Variants in EPG5 observed in about 807,000 individuals in gnomAD.
EPG5 encodes the protein ectopic P-granules 5 autophagy tethering factor.
EPG5 carries 159 observed loss-of-function variants against 302.7 expected under a neutral mutation model. The ratio of observed to expected loss-of-function variants is 0.53; its 90% confidence interval spans 0.46 to 0.60. EPG5 has a LOEUF of 0.60. EPG5 is among the 20% of genes least tolerant of loss of function. EPG5 has a pLI of 0.00. For synonymous variants in EPG5, 1,158 were observed against 1,136.8 expected, an observed-to-expected ratio of 1.02 and a Z score of -0.37; for missense variants, 2,896 against 3,092.4, an observed-to-expected ratio of 0.94 and a Z score of 1.51.
chr18:45,903,340 C>T (rs1474226750), intron 25 of EPG5, among the ~76,000 whole-genome samples: 1 of 152,056 alleles, frequency 6.6e-6, no homozygotes, highest in Non-Finnish European at 1.5e-5. Context: ...CCAGCCAGCA[C>T]CATTTTACAG....
intron 1 of EPG5, among the ~76,000 whole-genome samples, chr18:45,960,716 G>C (rs2051130578): frequency 6.6e-6 from 1 of 152,118 alleles, no homozygotes; most frequent in African/African-American, 2.4e-5. Flanking sequence ...TCCAGGAGAT[G>C]GAATTCTGGG....
In EPG5 at chr18:45,878,303, T is replaced by G. The variant is rs565869343; in HGVS notation, c.5942+73A>C. 4.5e-5 allele frequency: 46 copies of G among 1,020,386 alleles called. No individual in the cohort carries two copies. In the South Asian group the frequency reaches 5.7e-4, roughly 13 times the overall value. 63.2% of individuals were successfully genotyped at this position (1,020,386 alleles called of 1,614,324 possible). ...AAAATTAAATCTGTGAACTCATCAC[T>G]TCTACCAAATACCATTTAGAATTTT... On this transcript the variant is annotated intron_variant, in intron 34 of 43. Transcript: ENST00000282041.
At chr18:45,943,379 T>C in intron 8 of EPG5, 68 bp from the exon 9 acceptor site, 1 of 1,383,204 alleles carries the variant, frequency 7.2e-7, no homozygotes, top group South Asian at 1.2e-5. Context: ...GATACATCTG[T>C]ATAAATATTT....
intron 6 of EPG5, 76 bp downstream of exon 6, chr18:45,948,427 A>T: frequency 8.9e-7 from 1 of 1,122,510 alleles, no homozygotes; most frequent in Non-Finnish European, 1.4e-6. Context: ...CTTTGGATCT[A>T]GGCAGTTTCA....
intron 26 of EPG5, 98 bp from the exon 27 acceptor site, chr18:45,899,664 G>A (rs1316097398): frequency 1.8e-5 from 23 of 1,245,378 alleles, no homozygotes; most frequent in African/African-American, 6.0e-5. Context: ...TTATAGTGCA[G>A]CAAAAGACAC....
rs1176555694 is a variant in EPG5 at position 45,850,289 on chromosome 18, C to A, written c.*2178G>T. 6.6e-6 allele frequency: 1 copy of A among 152,286 alleles called. No homozygotes were observed. The highest frequency in any genetic ancestry group is 1.5e-5 in the Non-Finnish European group (1 of 68,126). The allele number at this position is 152,286 out of a possible 1,614,324, so 9.4% of individuals were successfully genotyped here. On this transcript the variant is annotated 3_prime_UTR_variant, in exon 44 of 44. Transcript: ENST00000282041. Reference sequence around the variant, plus strand: ...CAGCCCCGTGCTCTCTGGAGGCCAACAATTTTTTCAAGCCAAGGCTCATTA... The same window carrying A: ...CAGCCCCGTGCTCTCTGGAGGCCAAAAATTTTTTCAAGCCAAGGCTCATTA...
At chr18:45,837,531 G>C in the EPG5 span, 4 of 1,516,844 alleles carry the variant, frequency 2.6e-6, no homozygotes, top group African/African-American at 1.4e-5. Context: ...GCGCAGCGCT[G>C]GTCCATGCAG....
At chr18:45,867,507 A>C in intron 37 of EPG5, 56 bp downstream of exon 37, 1 of 1,425,964 alleles carries the variant, frequency 7.0e-7, no homozygotes, top group Non-Finnish European at 9.8e-7. Context: ...GACCTAGTAG[A>C]AAGCAAAGAT....
At chr18:45,870,506 C>T (rs891738622) in intron 36 of EPG5, 61 bp downstream of exon 36, 2 of 1,479,580 alleles carry the variant, frequency 1.4e-6, no homozygotes, top group African/African-American at 1.4e-5. Context: ...ACCACAGTGA[C>T]CAGGCTGCTC....
chr18:45,936,784 T>TTAA (rs2050537288), intron 10 of EPG5, among the ~76,000 whole-genome samples: 1 of 135,050 alleles, frequency 7.4e-6, no homozygotes, highest in Non-Finnish European at 1.6e-5. Flanking sequence ...GTTATTAAAT[T>TTAA]AAAAAAAAAA....
intron 24 of EPG5, among the ~76,000 whole-genome samples, chr18:45,906,062 A>C (rs773453276): frequency 6.6e-6 from 1 of 151,984 alleles, no homozygotes; most frequent in Non-Finnish European, 1.5e-5. Flanking sequence ...TTCTCTTACC[A>C]CTAAATCCAC....
chr18:45,834,003 C>A, the EPG5 span, among the ~76,000 whole-genome samples: 1 of 152,182 alleles, frequency 6.6e-6, no homozygotes, highest in African/African-American at 2.4e-5. Context: ...GCACTGTGTG[C>A]TCTGGCCTCA....
At chr18:45,937,233 TATACACACACACAC>T (rs1414320852) in intron 10 of EPG5, among the ~76,000 whole-genome samples, 7 of 76,314 alleles carry the variant, frequency 9.2e-5, no homozygotes, top group African/African-American at 3.3e-4. Flanking sequence ...TATACATATA[TATACACACACACAC>T]ACACACACAC....
At chr18:45,887,050 A>G (rs1239848118) in intron 29 of EPG5, among the ~76,000 whole-genome samples, 1 of 152,216 alleles carries the variant, frequency 6.6e-6, no homozygotes, top group Non-Finnish European at 1.5e-5. Flanking sequence ...TAAGCATCCA[A>G]TAAGTAAGTA....
intron 35 of EPG5, among the ~76,000 whole-genome samples, chr18:45,874,208 A>G (rs2048925599): frequency 6.6e-6 from 1 of 152,258 alleles, no homozygotes; most frequent in Non-Finnish European, 1.5e-5. Context: ...TAACAAATGT[A>G]TCACCCTGGT....
chr18:45,825,634 C>A, the EPG5 span: 1 of 1,416,746 alleles, frequency 7.1e-7, no homozygotes, highest in East Asian at 2.4e-5. Flanking sequence ...CTGCCCACCC[C>A]CGCCCGCCTT....
the EPG5 span, among the ~76,000 whole-genome samples, chr18:45,827,483 G>A: frequency 2.0e-5 from 3 of 152,230 alleles, no homozygotes; most frequent in Non-Finnish European, 4.4e-5. Context: ...ACAGTGGCCA[G>A]ACCCAAGTGG....
rs542154855 is a variant in EPG5, at chr18:45,956,913, T to C, written c.64-1575A>G. 4.0e-5 allele frequency among the ~76,000 whole-genome samples: 6 copies of C among 151,844 alleles called. No homozygotes were observed. The South Asian group carries it at 6.2e-4, about 16-fold the overall frequency. On this transcript the variant is annotated intron_variant, in intron 1 of 43. Coordinates refer to ENST00000282041, the MANE Select transcript of EPG5 (RefSeq NM_020964.3). ...AAGCTGTTCACTAAAAAATAAGTTA[T>C]GGTTTCAAAAAAACCTTCAGGCATT...
chr18:45,838,789 G>A, the EPG5 span: 20 of 1,564,156 alleles, frequency 1.3e-5, no homozygotes, highest in Middle Eastern at 1.7e-4. Context: ...CTGCACTGCC[G>A]AAGGGGAGCC....
Sources: allele counts gnomAD v4.1 joint callset (sites outside exome capture counted in the v4.1 genomes callset), GRCh38; gene constraint gnomAD v4.1.1; transcripts MANE v1.5; gene names NCBI Gene and HGNC (gene_info 2026-07-23, HGNC 2026-07-21).